The following SCHIP1 variants were observed in gnomAD, a reference collection of about 807,000 sequenced individuals.
SCHIP1 encodes the protein schwannomin-interacting protein 1.
Under a neutral mutation model 29.7 loss-of-function variants are expected in SCHIP1, and 8 were observed. That is an observed-to-expected ratio of 0.27 (90% CI 0.16 to 0.49). The LOEUF (loss-of-function observed/expected upper bound fraction) is 0.49. Among genes scored for constraint, SCHIP1 ranks in the 20% least tolerant of loss-of-function variants. The pLI, the probability that SCHIP1 is intolerant of heterozygous loss-of-function variation, is 0.99. For missense variants in SCHIP1, 193 were observed against 294.6 expected (o/e 0.66, Z 2.52); for synonymous variants, 76 against 94.9 (o/e 0.80, Z 1.16).
chr3:159,668,323 G>C, the SCHIP1 span, among the ~76,000 whole-genome samples: 1 of 147,408 alleles, frequency 6.8e-6, no homozygotes, highest in East Asian at 2.0e-4. Context: ...CTTGCAGTGA[G>C]CCGAGAGCAC....
At chr3:159,601,179 G>A in the SCHIP1 span, among the ~76,000 whole-genome samples, 1 of 152,152 alleles carries the variant, frequency 6.6e-6, no homozygotes, top group African/African-American at 2.4e-5. Context: ...CATCTGCCCA[G>A]CAGTGGGCCC....
chr3:159,427,276 G>A, the SCHIP1 span, among the ~76,000 whole-genome samples: 28 of 151,482 alleles, frequency 1.8e-4, no homozygotes, highest in Admixed American at 4.0e-4. Context: ...CTTTGCAGAC[G>A]ACATGATTGT....
the SCHIP1 span, among the ~76,000 whole-genome samples, chr3:159,344,068 C>T: frequency 2.0e-5 from 3 of 152,132 alleles, no homozygotes; most frequent in Admixed American, 2.0e-4. Context: ...CGCAGTGGCT[C>T]ATGCCTGTAA....
chr3:159,564,698 G>A, the SCHIP1 span, among the ~76,000 whole-genome samples: 1 of 152,106 alleles, frequency 6.6e-6, no homozygotes. Flanking sequence ...TTTTAACACT[G>A]TAGATTATTT....
the SCHIP1 span, among the ~76,000 whole-genome samples, chr3:159,491,956 C>G: frequency 6.6e-6 from 1 of 152,212 alleles, no homozygotes; most frequent in Admixed American, 6.5e-5. Context: ...ATTCGCTGTT[C>G]TGCAGTCACC....
At chr3:159,741,738 GC>G in the SCHIP1 span, among the ~76,000 whole-genome samples, 1 of 152,346 alleles carries the variant, frequency 6.6e-6, no homozygotes, top group South Asian at 2.1e-4. Flanking sequence ...CTGGTGTGGT[GC>G]TGAGAACAAG....
At chr3:159,593,613 G>C in the SCHIP1 span, among the ~76,000 whole-genome samples, 1 of 152,160 alleles carries the variant, frequency 6.6e-6, no homozygotes, top group Admixed American at 6.5e-5. Context: ...CTAAAGATCA[G>C]CTGACCCAAT....
the SCHIP1 span, among the ~76,000 whole-genome samples, chr3:159,407,799 G>A: frequency 6.6e-6 from 1 of 152,082 alleles, no homozygotes; most frequent in Non-Finnish European, 1.5e-5. Flanking sequence ...GGTCAATGAA[G>A]AAATTAAGAA....
the SCHIP1 span, among the ~76,000 whole-genome samples, chr3:159,376,317 T>C: frequency 6.6e-6 from 1 of 152,174 alleles, no homozygotes; most frequent in Non-Finnish European, 1.5e-5. Flanking sequence ...CTCAAGGACT[T>C]TGTAAATAAA....
At chr3:159,680,678 A>G in the SCHIP1 span, among the ~76,000 whole-genome samples, 3 of 82,398 alleles carry the variant, frequency 3.6e-5, no homozygotes, top group South Asian at 8.8e-4. Flanking sequence ...TATTATATAT[A>G]TAATATATGT....
At chr3:159,668,955 C>T in the SCHIP1 span, among the ~76,000 whole-genome samples, 1 of 152,020 alleles carries the variant, frequency 6.6e-6, no homozygotes, top group African/African-American at 2.4e-5. Context: ...CTGCAATTTC[C>T]ATTTGAAGCA....
the SCHIP1 span, among the ~76,000 whole-genome samples, chr3:159,621,119 C>T: frequency 6.6e-6 from 1 of 152,182 alleles, no homozygotes; most frequent in South Asian, 2.1e-4. Flanking sequence ...ATGAGAAACA[C>T]TGTTGATGTG....
the SCHIP1 span, among the ~76,000 whole-genome samples, chr3:159,488,604 C>T: frequency 6.0e-3 from 918 of 152,180 alleles, 9 homozygotes; most frequent in African/African-American, 0.021. Flanking sequence ...CAGGGGTGAG[C>T]ACTGGCTGCC....
the SCHIP1 span, among the ~76,000 whole-genome samples, chr3:159,682,958 G>A: frequency 6.6e-6 from 1 of 152,120 alleles, no homozygotes; most frequent in Non-Finnish European, 1.5e-5. Flanking sequence ...TTGATCTTCG[G>A]ACCACTTACA....
the SCHIP1 span, among the ~76,000 whole-genome samples, chr3:159,579,899 T>G: frequency 1.3e-5 from 2 of 152,078 alleles, no homozygotes; most frequent in African/African-American, 4.8e-5. Context: ...ACACAGAAAC[T>G]GAGGGCAAGG....
chr3:159,531,757 G>A, the SCHIP1 span, among the ~76,000 whole-genome samples: 1 of 152,152 alleles, frequency 6.6e-6, no homozygotes, highest in East Asian at 1.9e-4. Context: ...GCTCTGTTTG[G>A]CTATTTAACC....
the SCHIP1 span, among the ~76,000 whole-genome samples, chr3:159,383,748 T>C: frequency 6.8e-6 from 1 of 147,730 alleles, no homozygotes; most frequent in African/African-American, 2.5e-5. Flanking sequence ...GAGCATGGAA[T>C]GTTCTTCCAT....
chr3:159,856,163 C>T (rs764945382), intron 1 of SCHIP1, among the ~76,000 whole-genome samples: 7 of 152,164 alleles, frequency 4.6e-5, no homozygotes, highest in Non-Finnish European at 1.0e-4. Context: ...TCAGGACCAA[C>T]GTGGTATGCA....
At chr3:159,748,168 C>G in the SCHIP1 span, among the ~76,000 whole-genome samples, 7 of 152,078 alleles carry the variant, frequency 4.6e-5, no homozygotes, top group African/African-American at 1.4e-4. Flanking sequence ...TTATATGCCA[C>G]TAAGAACAAG....
Sources: allele counts gnomAD v4.1 joint callset (sites outside exome capture counted in the v4.1 genomes callset), GRCh38; gene constraint gnomAD v4.1.1; transcripts MANE v1.5; gene names NCBI Gene and HGNC (gene_info 2026-07-23, HGNC 2026-07-21).